The following CNTNAP2 variants were observed in gnomAD, a reference collection of about 807,000 sequenced individuals.
CNTNAP2 encodes the protein contactin-associated protein-like 2.
A neutral mutation model predicts 155.2 loss-of-function variants in CNTNAP2; 98 were observed. That is an observed-to-expected ratio of 0.63 (90% confidence interval 0.54 to 0.75). The LOEUF is 0.75. CNTNAP2 is among the 30% of genes least tolerant of loss of function. The probability of loss-of-function intolerance (pLI) is 0.00; values close to 1 mark genes in which losing one functional copy is unlikely to be tolerated. For missense variants in CNTNAP2, 1,727 were observed against 1,688.1 expected, an observed-to-expected ratio of 1.02 and a Z score of -0.40; for synonymous variants, 651 against 631.2, an observed-to-expected ratio of 1.03 and a Z score of -0.47.
intron 13 of CNTNAP2, among the ~76,000 whole-genome samples, chr7:147,722,711 G>A (rs190353534): frequency 2.0e-5 from 3 of 152,082 alleles, no homozygotes; most frequent in Admixed American, 2.0e-4. Flanking sequence ...TAATGTTATT[G>A]CTTAAACCTT....
intron 14 of CNTNAP2, among the ~76,000 whole-genome samples, chr7:147,973,893 A>G (rs545256432): frequency 6.6e-5 from 10 of 152,172 alleles, no homozygotes; most frequent in Non-Finnish European, 1.2e-4. Flanking sequence ...AGAATAATGT[A>G]CATTATCTCA....
intron 11 of CNTNAP2, among the ~76,000 whole-genome samples, chr7:147,537,791 C>T (rs958596149): frequency 1.3e-5 from 2 of 152,112 alleles, no homozygotes; most frequent in African/African-American, 4.8e-5. Context: ...AAGGTTTGTA[C>T]TGATTCAGGT....
intron 15 of CNTNAP2, among the ~76,000 whole-genome samples, chr7:148,014,987 A>G (rs4726907): frequency 0.34 from 52,341 of 151,946 alleles, 9,800 homozygotes; most frequent in East Asian, 0.74. Context: ...AAGAGAAAGC[A>G]TTATCTGTTA....
chr7:146,866,273 T>C (rs1306658524), intron 3 of CNTNAP2, among the ~76,000 whole-genome samples: 1 of 152,084 alleles, frequency 6.6e-6, no homozygotes, highest in Non-Finnish European at 1.5e-5. Context: ...TCCAAACCTT[T>C]AATATTAGGT....
chr7:146,266,298 T>A (rs1257217934), intron 1 of CNTNAP2, among the ~76,000 whole-genome samples: 2 of 152,172 alleles, frequency 1.3e-5, no homozygotes, highest in African/African-American at 2.4e-5. Context: ...TGATCCTGAG[T>A]GTCTAGCCTT....
chr7:146,144,739 TTGTTG>T (rs1357765106), intron 1 of CNTNAP2, among the ~76,000 whole-genome samples: 1 of 152,244 alleles, frequency 6.6e-6, no homozygotes, highest in African/African-American at 2.4e-5. Context: ...TCATTATTAT[TTGTTG>T]TGTTGTTTCT....
At chr7:146,283,000 T>C (rs1392727635) in intron 1 of CNTNAP2, among the ~76,000 whole-genome samples, 1 of 152,228 alleles carries the variant, frequency 6.6e-6, no homozygotes, top group Admixed American at 6.5e-5. Flanking sequence ...TATAAAACGC[T>C]GTGTCCTAAG....
chr7:146,283,366 T>C (rs1031346630), intron 1 of CNTNAP2, among the ~76,000 whole-genome samples: 8 of 152,096 alleles, frequency 5.3e-5, no homozygotes, highest in African/African-American at 1.9e-4. Flanking sequence ...TGGTTCTGTT[T>C]TTCGTTTTGT....
At chr7:146,566,546 A>C (rs1798359050) in intron 1 of CNTNAP2, among the ~76,000 whole-genome samples, 1 of 151,870 alleles carries the variant, frequency 6.6e-6, no homozygotes, top group South Asian at 2.1e-4. Context: ...TTACAAAACA[A>C]ATTAGCTGGG....
chr7:148,120,806 TG>T (rs1296910823), intron 16 of CNTNAP2, among the ~76,000 whole-genome samples: 1 of 151,922 alleles, frequency 6.6e-6, no homozygotes, highest in African/African-American at 2.4e-5. Context: ...CCAGAGAGGG[TG>T]GAAAGACATT....
intron 14 of CNTNAP2, among the ~76,000 whole-genome samples, chr7:147,913,748 G>C (rs1193689116): frequency 6.6e-6 from 1 of 152,128 alleles, no homozygotes; most frequent in Non-Finnish European, 1.5e-5. Context: ...ACCTGCCTGT[G>C]CCTCAGTTTT....
chr7:146,667,273 C>CA (rs1563180069), intron 1 of CNTNAP2, among the ~76,000 whole-genome samples: 1 of 151,966 alleles, frequency 6.6e-6, no homozygotes. Context: ...GTACATTTGT[C>CA]AAAAAATCAA....
At chr7:147,182,972 C>A (rs1265546981) in intron 8 of CNTNAP2, among the ~76,000 whole-genome samples, 1 of 152,048 alleles carries the variant, frequency 6.6e-6, no homozygotes, top group Non-Finnish European at 1.5e-5. Flanking sequence ...GTGATAAGAG[C>A]TAAAGAAATT....
intron 8 of CNTNAP2, among the ~76,000 whole-genome samples, chr7:147,190,507 T>C (rs979559464): frequency 6.6e-6 from 1 of 152,182 alleles, no homozygotes; most frequent in Non-Finnish European, 1.5e-5. Flanking sequence ...GTAAGAAATT[T>C]TTATCAGTTG....
intron 1 of CNTNAP2, among the ~76,000 whole-genome samples, chr7:146,170,705 A>T (rs1798377084): frequency 6.6e-6 from 1 of 152,144 alleles, no homozygotes; most frequent in Admixed American, 6.6e-5. Context: ...AAACTAACTG[A>T]CAAGAGAGAA....
intron 9 of CNTNAP2, among the ~76,000 whole-genome samples, chr7:147,353,140 T>TATGTAC (rs1795999060): frequency 6.6e-6 from 1 of 151,736 alleles, no homozygotes; most frequent in Admixed American, 6.6e-5. Flanking sequence ...CATATACGTA[T>TATGTAC]ATGTACATAT....
chr7:147,450,744 A>C (rs1054895165), intron 10 of CNTNAP2, among the ~76,000 whole-genome samples: 6 of 152,248 alleles, frequency 3.9e-5, no homozygotes, highest in African/African-American at 1.4e-4. Context: ...GTAAATTAAT[A>C]AGCCAAAGTT....
intron 22 of CNTNAP2, among the ~76,000 whole-genome samples, chr7:148,399,306 G>A (rs756687084): frequency 2.0e-5 from 3 of 151,720 alleles, no homozygotes; most frequent in Non-Finnish European, 4.4e-5. Flanking sequence ...CCACGGTACA[G>A]TATTTTTAAA....
intron 1 of CNTNAP2, among the ~76,000 whole-genome samples, chr7:146,665,245 G>A (rs1456675442): frequency 1.3e-5 from 2 of 152,024 alleles, no homozygotes; most frequent in Admixed American, 6.6e-5. Context: ...CACCGCGCCC[G>A]GCGTCTTGCT....
Sources: gnomAD v4.1 joint callset for allele counts (sites outside exome capture counted in the v4.1 genomes callset) on GRCh38, gnomAD v4.1.1 for gene constraint, MANE v1.5 for transcripts, NCBI Gene and HGNC (gene_info 2026-07-23, HGNC 2026-07-21) for gene names.